RASSF4: variants seen among roughly 807,000 people sequenced by gnomAD.
RASSF4 encodes Ras association domain family member 4.
RASSF4 carries 38 observed loss-of-function variants against 41.1 expected under a neutral mutation model. The ratio of observed to expected loss-of-function variants is 0.92; its 90% CI spans 0.71 to 1.21. The LOEUF (loss-of-function observed/expected upper bound fraction) is 1.21, where lower values mean the gene tolerates loss of function less well. Among genes scored for constraint, RASSF4 ranks in the 50% most tolerant of loss-of-function variants. RASSF4 has a pLI of 0.00. For missense variants in RASSF4, 414 were observed against 419.4 expected, an observed-to-expected ratio of 0.99 and a Z score of 0.11; for synonymous variants, 179 against 163.4, an observed-to-expected ratio of 1.10 and a Z score of -0.73.
rs887972689 is a variant in RASSF4 at position 44,994,803 on chromosome 10, A to G, written c.*1474A>G. 1.3e-5 allele frequency: 2 copies of G among 151,746 alleles called. No homozygotes were observed. The highest frequency in any genetic ancestry group is 4.9e-5 in the African/African-American group (2 of 41,234). 9.4% of individuals were successfully genotyped at this position (151,746 alleles called of 1,614,324 possible). A position where few individuals can be genotyped will look rare whatever the true frequency, so the allele number is the denominator to read the frequency against. ...CTAACTTCTGAAACTCTTATCCTAA[A>G]GGATGTGTGGCCATGTTTGGCAGAA... On this transcript the variant is annotated 3_prime_UTR_variant, in exon 11 of 11. Coordinates refer to ENST00000340258, the MANE Select transcript of RASSF4 (RefSeq NM_032023.4).
intron 3 of RASSF4, among the ~76,000 whole-genome samples, chr10:44,972,766 G>A (rs1023706602): frequency 8.5e-5 from 13 of 152,218 alleles, no homozygotes; most frequent in Admixed American, 7.9e-4. Flanking sequence ...TTTTTTGGGG[G>A]GTTCTGCAGT....
chr10:44,989,774 C>G, intron 8 of RASSF4, 53 bp downstream of exon 8: 1 of 1,489,030 alleles, frequency 6.7e-7, no homozygotes, highest in Non-Finnish European at 9.4e-7. Context: ...TCTACCTGTT[C>G]AGCAAGCCCC....
intron 1 of RASSF4, 62 bp from the exon 2 acceptor site, chr10:44,970,103 G>A (rs1418184639): frequency 2.1e-6 from 2 of 971,480 alleles, no homozygotes; most frequent in East Asian, 2.4e-5. Context: ...CGGGTGTTGG[G>A]TGCTGCACTG....
Position 44,971,828 on chromosome 10 carries a change from T to C in RASSF4, c.118T>C (p.Phe40Leu). ...TYNCYHEGKSFQLRHREEEGT... is the reference protein window; with the variant it reads ...TYNCYHEGKSLQLRHREEEGT... ...CAACTGCTACCATGAGGGCAAGAGC[T>C]TCCAGCTGAGACACCGTGAGGTGAG... The change falls in exon 3 of 11, where the codon TTC (phenylalanine) becomes CTC (leucine). Residue 40 changes from phenylalanine to leucine, a missense_variant. Phe to Leu is a conservative substitution (Grantham distance 22). Coordinates refer to ENST00000340258, the MANE Select transcript of RASSF4 (RefSeq NM_032023.4). The C allele has an allele frequency of 5.0e-6, 8 of 1,611,936 alleles. No homozygotes were observed. The highest frequency in any genetic ancestry group is 6.8e-6 in the Non-Finnish European group (8 of 1,178,272).
chr10:44,964,397 A>T lies in RASSF4; in HGVS notation c.-39+4531A>T, dbSNP rs148204690. Among the ~76,000 whole-genome samples, 352 of 152,336 alleles carry T rather than the reference A, an allele frequency of 2.3e-3. 1 individual carries two copies. Among genetic ancestry groups the T allele is most frequent in the African/African-American group, 8.1e-3 (335 of 41,582 alleles). ...CTGGGGGAGGGGAACGGGCCCAGAC[A>T]AAGAAAGCTGTACTTTCCCAGCAGA... On this transcript the variant is annotated intron_variant, in intron 1 of 10. Transcript: ENST00000340258.
At position 44,990,993 on chromosome 10, in the gene RASSF4, TC is replaced by T. The variant is rs775204211; in HGVS notation, c.733del (p.Leu245CysfsTer13). ...TGCGAGTACCCGCTGATTTCCAGAATCCTGCATGGGCCATGTGAGAAGATCG... is the reference window on the plus strand; with the variant it reads ...TGCGAGTACCCGCTGATTTCCAGAATCTGCATGGGCCATGTGAGAAGATCG... ...KDCEYPLISR[I>X]LHGPCEKIAR... On this transcript the variant is annotated frameshift_variant, in exon 9 of 11. Transcript: ENST00000340258. LOFTEE classifies it high-confidence loss of function. The T allele has an allele frequency of 6.2e-7, 1 of 1,613,806 alleles. No individual in the cohort carries two copies. The highest frequency in any genetic ancestry group is 8.5e-7 in the Non-Finnish European group (1 of 1,179,708).
chr10:44,985,001 C>G, intron 6 of RASSF4, 31 bp downstream of exon 6: 1 of 1,593,702 alleles, frequency 6.3e-7, no homozygotes, highest in Non-Finnish European at 8.5e-7. Context: ...CTCCCCTGGG[C>G]GCATGGGGAG....
intron 1 of RASSF4, among the ~76,000 whole-genome samples, chr10:44,964,085 G>T (rs1840810097): frequency 2.0e-5 from 3 of 152,238 alleles, no homozygotes. Flanking sequence ...ACACAAAAAA[G>T]GAAAGACGGC....
Position 44,984,002 on chromosome 10 carries a change from C to A in RASSF4, c.282-20C>A. 1.3e-6 allele frequency: 2 copies of A among 1,578,606 alleles called. No homozygotes were observed. Among genetic ancestry groups the A allele is most frequent in the South Asian group, 2.3e-5 (2 of 85,968 alleles). On this transcript the variant is annotated intron_variant, in intron 4 of 10. Coordinates refer to ENST00000340258, the MANE Select transcript of RASSF4 (RefSeq NM_032023.4). ...TTCTCTGCCGGCAGCCATCTCAGCC[C>A]TGCAGTTGTCTGTTTTCAGAAAGGA...
At chr10:44,974,580 G>T (rs115460968) in intron 3 of RASSF4, among the ~76,000 whole-genome samples, 1 of 151,810 alleles carries the variant, frequency 6.6e-6, no homozygotes, top group Admixed American at 6.6e-5. Context: ...GCTGGCGAAG[G>T]GCTCACCACC....
In RASSF4 at chr10:44,971,796, A is replaced by C. The variant is rs1841181262; in HGVS notation, c.86A>C (p.Lys29Thr). ...IQKSELLGLL[K>T]TYNCYHEGKS... The stretch of plus-strand genomic sequence containing the variant: ...AGGTCGGAGCTCTTAGGCCTGCTGA[A>C]AACCTACAACTGCTACCATGAGGGC... Residue 29 changes from lysine to threonine, a missense_variant, in exon 3 of 11, where the codon AAA (lysine) becomes ACA (threonine). By Grantham distance (78) the Lys-to-Thr change is moderately conservative. Transcript: ENST00000340258. 1 of 1,613,910 alleles carries C rather than the reference A, an allele frequency of 6.2e-7. No homozygotes were observed. The highest frequency in any genetic ancestry group is 1.7e-5 in the Admixed American group (1 of 59,996).
At chr10:44,978,302 C>A (rs1588824766) in intron 3 of RASSF4, 1 of 425,210 alleles carries the variant, frequency 2.4e-6, no homozygotes, top group Non-Finnish European at 4.2e-6. Context: ...CCTAACCTAA[C>A]AAACACTGGT....
chr10:44,971,500 C>T (rs1009380666), intron 2 of RASSF4: 9 of 625,680 alleles, frequency 1.4e-5, no homozygotes, highest in African/African-American at 9.0e-5. Flanking sequence ...GTGAAAGTGT[C>T]GGCACCCTGG....
chr10:44,963,674 A>T (rs1222474403), intron 1 of RASSF4, among the ~76,000 whole-genome samples: 2 of 152,214 alleles, frequency 1.3e-5, no homozygotes, highest in Non-Finnish European at 2.9e-5. Flanking sequence ...TTTGCTTCCC[A>T]GGTCACTTTC....
At position 44,971,580 on chromosome 10, in the gene RASSF4, C is replaced by T. The variant is rs80201729; in HGVS notation, c.63-193C>T. 3,769 of 688,904 alleles carry T rather than the reference C, an allele frequency of 5.5e-3. 93 individuals are homozygous for T. In the African/African-American group the frequency reaches 0.057, roughly 10 times the overall value. The allele number at this position is 688,904 out of a possible 1,614,324, so 42.7% of individuals were successfully genotyped here. ...TCCTCAGCCCGACCCCCATGCCCCC[C>T]ACCAGGGCCATGTGCAGAACCATCC... is the stretch of plus-strand genomic sequence containing the variant. On this transcript the variant is annotated intron_variant, in intron 2 of 10. Coordinates refer to ENST00000340258, the MANE Select transcript of RASSF4 (RefSeq NM_032023.4).
intron 3 of RASSF4, among the ~76,000 whole-genome samples, chr10:44,979,434 G>GAGCTCATAT (rs1841607632): frequency 6.6e-6 from 1 of 152,194 alleles, no homozygotes; most frequent in South Asian, 2.1e-4. Flanking sequence ...TGGCCCCCTG[G>GAGCTCATAT]AGCTCATATT....
At chr10:44,983,752 T>A (rs949651981) in intron 4 of RASSF4, 4 of 484,170 alleles carry the variant, frequency 8.3e-6, no homozygotes, top group Admixed American at 3.4e-5. Context: ...ACTATGTTCA[T>A]GTGTCCGTGT....
chr10:44,977,265 A>C (rs1380930294), intron 3 of RASSF4: 11 of 1,287,518 alleles, frequency 8.5e-6, no homozygotes, highest in Non-Finnish European at 1.2e-5. Context: ...TGAACTGCCC[A>C]AGCAGGGGCC....
intron 6 of RASSF4, among the ~76,000 whole-genome samples, chr10:44,987,352 C>A (rs1181223190): frequency 6.6e-6 from 1 of 152,184 alleles, no homozygotes; most frequent in Non-Finnish European, 1.5e-5. Context: ...CCGCCTTTGC[C>A]TACCAAAGTG....
Sources: gnomAD v4.1 joint callset for allele counts (sites outside exome capture counted in the v4.1 genomes callset) on GRCh38, gnomAD v4.1.1 for gene constraint, MANE v1.5 for transcripts, NCBI Gene and HGNC (gene_info 2026-07-23, HGNC 2026-07-21) for gene names.